PTK2B: variants seen among roughly 807,000 people sequenced by gnomAD.
PTK2B encodes protein tyrosine kinase 2 beta.
Under a neutral mutation model 142.9 loss-of-function variants are expected in PTK2B, and 71 were observed. The observed-to-expected ratio is 0.50, with a 90% CI of 0.41 to 0.61. PTK2B has a LOEUF of 0.61. PTK2B is among the 20% of genes least tolerant of loss of function. The pLI is 0.00. For missense variants in PTK2B, 1,105 were observed against 1,320.4 expected (o/e 0.84, Z 2.53); for synonymous variants, 519 against 503.4 (o/e 1.03, Z -0.42).
intron 1 of PTK2B, among the ~76,000 whole-genome samples, chr8:27,346,252 C>G (rs931446168): frequency 6.6e-6 from 1 of 152,168 alleles, no homozygotes; most frequent in African/African-American, 2.4e-5. Flanking sequence ...TACTTGCTTT[C>G]TTTGCGGGGT....
At chr8:27,319,517 G>A (rs1271058388) in intron 3 of PTK2B, among the ~76,000 whole-genome samples, 3 of 151,614 alleles carry the variant, frequency 2.0e-5, no homozygotes, top group Non-Finnish European at 2.9e-5. Flanking sequence ...GGTGGCGGGC[G>A]CCTGTAGTCC....
Position 27,451,025 on chromosome 8 carries a change from T to C in PTK2B, c.2488-18T>C. The C allele has an allele frequency of 6.2e-7, 1 of 1,612,230 alleles. No individual in the cohort carries two copies. The highest frequency in any genetic ancestry group is 8.5e-7 in the Non-Finnish European group (1 of 1,178,278). On this transcript the variant is annotated intron_variant, in intron 25 of 30. Coordinates refer to ENST00000346049, the MANE Select transcript of PTK2B (RefSeq NM_173176.3). ...CTCCAGAATTCTTAGTCCTTCGCTC[T>C]TGTTTCTTCCTCTGCAGGACCCCAT...
chr8:27,351,983 C>T (rs1167909804), intron 1 of PTK2B, among the ~76,000 whole-genome samples: 1 of 152,202 alleles, frequency 6.6e-6, no homozygotes, highest in East Asian at 1.9e-4. Context: ...TTCCCATGGT[C>T]TCTTCAATAA....
intron 7 of PTK2B, 83 bp from the exon 8 acceptor site, chr8:27,430,793 G>C (rs968306727): frequency 1.3e-6 from 2 of 1,523,332 alleles, no homozygotes; most frequent in Non-Finnish European, 1.8e-6. Context: ...CGAGCAGTGG[G>C]CAGTCTCTCA....
intron 2 of PTK2B, among the ~76,000 whole-genome samples, chr8:27,404,419 T>G (rs1406808500): frequency 3.3e-5 from 5 of 152,148 alleles, no homozygotes; most frequent in Non-Finnish European, 1.5e-5. Flanking sequence ...TCATCCTTGT[T>G]TTGTCCTGAA....
At chr8:27,405,593 C>T (rs376576372) in intron 2 of PTK2B, among the ~76,000 whole-genome samples, 2 of 152,194 alleles carry the variant, frequency 1.3e-5, no homozygotes, top group Admixed American at 6.5e-5. Flanking sequence ...TTCTGCACCC[C>T]CTCCCTGTTT....
chr8:27,439,156 A>G, intron 19 of PTK2B, 25 bp downstream of exon 19: 6 of 1,606,800 alleles, frequency 3.7e-6, no homozygotes, highest in Non-Finnish European at 4.3e-6. Context: ...CAGCCTCTGC[A>G]TTGGCCTTGG....
At chr8:27,454,369 G>T in intron 29 of PTK2B, 78 bp downstream of exon 29, 1 of 1,571,516 alleles carries the variant, frequency 6.4e-7, no homozygotes, top group Non-Finnish European at 8.6e-7. Flanking sequence ...GCTTCCTGTT[G>T]GCTGGCCCAG....
chr8:27,418,928 T>C (rs1586280081), intron 2 of PTK2B, among the ~76,000 whole-genome samples: 1 of 152,034 alleles, frequency 6.6e-6, no homozygotes. Flanking sequence ...CTCAGGAGGA[T>C]GAGGCAGGAG....
At chr8:27,345,387 A>G (rs1192068234) in intron 1 of PTK2B, among the ~76,000 whole-genome samples, 1 of 152,182 alleles carries the variant, frequency 6.6e-6, no homozygotes, top group Non-Finnish European at 1.5e-5. Context: ...TTCATCTTTT[A>G]TACATTTAAA....
intron 15 of PTK2B, 55 bp downstream of exon 15, chr8:27,436,403 C>G (rs1294216555): frequency 1.3e-6 from 2 of 1,532,246 alleles, no homozygotes; most frequent in South Asian, 1.1e-5. Context: ...TAGGGTGAGA[C>G]AGAGCTCGAA....
At chr8:27,368,792 T>C (rs1473551126) in intron 1 of PTK2B, among the ~76,000 whole-genome samples, 1 of 152,210 alleles carries the variant, frequency 6.6e-6, no homozygotes, top group Non-Finnish European at 1.5e-5. Flanking sequence ...CCACTCTTGC[T>C]GGGGCCTGGA....
chr8:27,418,894 G>T (rs1211748368), intron 2 of PTK2B, among the ~76,000 whole-genome samples: 1 of 152,182 alleles, frequency 6.6e-6, no homozygotes, highest in Non-Finnish European at 1.5e-5. Flanking sequence ...CAGGCGTGGT[G>T]GTGCCTACCT....
intron 1 of PTK2B, among the ~76,000 whole-genome samples, chr8:27,386,603 G>A (rs1033126473): frequency 1.3e-5 from 2 of 152,084 alleles, no homozygotes; most frequent in Non-Finnish European, 2.9e-5. Context: ...GCTTGAAGGG[G>A]CATTAAAATT....
intron 2 of PTK2B, 31 bp from the exon 3 acceptor site, chr8:27,419,864 C>T: frequency 6.2e-7 from 1 of 1,612,160 alleles, no homozygotes; most frequent in Non-Finnish European, 8.5e-7. Context: ...GTGGGCACCC[C>T]TGAGTCATGC....
upstream of PTK2B, chr8:27,310,685 G>T: frequency 8.1e-7 from 1 of 1,229,208 alleles, no homozygotes. Context: ...CTGCATGCTG[G>T]GAGCGAGACG....
chr8:27,316,040 A>G (rs1803087352), intron 3 of PTK2B, among the ~76,000 whole-genome samples: 1 of 152,206 alleles, frequency 6.6e-6, no homozygotes, highest in African/African-American at 2.4e-5. Context: ...TCTCCTTTCA[A>G]TACAAAGGAC....
rs1182269445 is a variant in PTK2B at position 27,450,820 on chromosome 8, G to A, written c.2412G>A (p.Met804Ile). 1 of 1,614,164 alleles carries A rather than the reference G, an allele frequency of 6.2e-7. No homozygotes were observed. The highest frequency in any genetic ancestry group is 1.7e-5 in the Admixed American group (1 of 60,024). The change falls in exon 25 of 31, where the codon ATG becomes ATA. Residue 804 changes from methionine (M) to isoleucine (I), a missense_variant. Met to Ile is a conservative substitution (Grantham distance 10). Coordinates refer to ENST00000346049, the MANE Select transcript of PTK2B (RefSeq NM_173176.3). ...TGTGGGAGGCTGAAAAGGTCAAAAT[G>A]CGGCAAATCCTGGACAAACAGCAGA... ...QQLWEAEKVK[M>I]RQILDKQQKQ...
At chr8:27,391,600 G>A (rs1027004407) in intron 1 of PTK2B, among the ~76,000 whole-genome samples, 1 of 152,230 alleles carries the variant, frequency 6.6e-6, no homozygotes, top group African/African-American at 2.4e-5. Flanking sequence ...TGTGCCAGGG[G>A]CACAGTACTA....
Sources: gnomAD v4.1 joint callset for allele counts (sites outside exome capture counted in the v4.1 genomes callset) on GRCh38, gnomAD v4.1.1 for gene constraint, MANE v1.5 for transcripts, NCBI Gene and HGNC (gene_info 2026-07-23, HGNC 2026-07-21) for gene names.